The following EPHA6 variants were observed in gnomAD, a reference collection of about 807,000 sequenced individuals.
EPHA6 encodes EPH receptor A6, also known as ephrin type-A receptor 6.
A neutral mutation model predicts 112.0 loss-of-function variants in EPHA6; 50 were observed. That is an observed-to-expected ratio of 0.45 (90% confidence interval 0.36 to 0.56). The LOEUF (loss-of-function observed/expected upper bound fraction) is 0.56. Ranked by LOEUF, EPHA6 falls within the 20% of genes least tolerant of loss-of-function variation. The pLI, the probability that EPHA6 is intolerant of heterozygous loss-of-function variation, is 0.00. For missense variants in EPHA6, 1,280 were observed against 1,417.4 expected (o/e 0.90, Z 1.56); for synonymous variants, 529 against 490.7 (o/e 1.08, Z -1.03).
intron 11 of EPHA6, chr3:97,570,030 A>G (rs2093316530): frequency 1.3e-5 from 2 of 151,978 alleles, no homozygotes; most frequent in Non-Finnish European, 2.9e-5. Context: ...ATCGACTCAC[A>G]CTGTTGCCAG....
At chr3:97,194,730 A>G (rs1014317759) in intron 3 of EPHA6, among the ~76,000 whole-genome samples, 3 of 151,910 alleles carry the variant, frequency 2.0e-5, no homozygotes, top group Admixed American at 6.6e-5. Context: ...TATTTGCTTT[A>G]TTTATCTGGG....
intron 3 of EPHA6, among the ~76,000 whole-genome samples, chr3:97,077,074 T>G (rs937873998): frequency 6.6e-6 from 1 of 152,138 alleles, no homozygotes. Flanking sequence ...ATTTTAACTT[T>G]TAATCTTATC....
intron 11 of EPHA6, among the ~76,000 whole-genome samples, chr3:97,568,849 G>T (rs1418678645): frequency 6.6e-6 from 1 of 152,152 alleles, no homozygotes; most frequent in Non-Finnish European, 1.5e-5. Context: ...ACTCCAACAA[G>T]GACAAGTGGG....
chr3:97,137,723 T>C (rs1461278654), intron 3 of EPHA6, among the ~76,000 whole-genome samples: 1 of 152,176 alleles, frequency 6.6e-6, no homozygotes, highest in Non-Finnish European at 1.5e-5. Context: ...GGTCTAGACA[T>C]TGGTTTTACC....
chr3:97,412,504 A>G (rs184507592), intron 6 of EPHA6, among the ~76,000 whole-genome samples: 8 of 152,082 alleles, frequency 5.3e-5, no homozygotes, highest in Admixed American at 1.3e-4. Flanking sequence ...TTGTTATCCA[A>G]TTCTGAACTT....
At chr3:96,842,002 G>A (rs1180598130) in intron 1 of EPHA6, among the ~76,000 whole-genome samples, 2 of 152,018 alleles carry the variant, frequency 1.3e-5, no homozygotes, top group African/African-American at 2.4e-5. Flanking sequence ...ATTGTATTGA[G>A]TACTCTTATA....
chr3:97,650,938 A>T (rs1477707922), intron 14 of EPHA6, among the ~76,000 whole-genome samples: 1 of 151,814 alleles, frequency 6.6e-6, no homozygotes, highest in Non-Finnish European at 1.5e-5. Flanking sequence ...GAATACTGAG[A>T]AACTCCAACT....
In EPHA6 at chr3:97,756,645, CA is replaced by C. The variant is rs984402824; in HGVS notation, c.*7951del. The stretch of plus-strand genomic sequence containing the variant: ...TGCAAAAATATCATTTTATTCTTAC[CA>C]AAAAAATGTAGCTTTGATAAAATTT... On this transcript the variant is annotated 3_prime_UTR_variant, in exon 18 of 18. Coordinates refer to ENST00000389672, the MANE Select transcript of EPHA6 (RefSeq NM_001080448.3). 6.6e-6 allele frequency among the ~76,000 whole-genome samples: 1 copy of C among 151,214 alleles called. No homozygotes were observed. Among genetic ancestry groups the C allele is most frequent in the African/African-American group, 2.4e-5 (1 of 41,206 alleles).
At chr3:97,692,937 T>C (rs1217325136) in intron 14 of EPHA6, among the ~76,000 whole-genome samples, 1 of 152,214 alleles carries the variant, frequency 6.6e-6, no homozygotes, top group African/African-American at 2.4e-5. Context: ...TGAGCATCTA[T>C]TGAGATATTA....
At chr3:97,466,418 GGAC>G (rs2091057051) in intron 7 of EPHA6, 14 of 1,600,932 alleles carry the variant, frequency 8.7e-6, no homozygotes, top group Non-Finnish European at 1.2e-5. Flanking sequence ...ATATTCCATA[GGAC>G]TCTCCATTTC....
chr3:97,332,979 C>A (rs2082872134), intron 5 of EPHA6, among the ~76,000 whole-genome samples: 1 of 151,590 alleles, frequency 6.6e-6, no homozygotes, highest in Non-Finnish European at 1.5e-5. Flanking sequence ...TTAGAAAATG[C>A]TTGTCTATGT....
chr3:96,876,601 A>G (rs2036969986), intron 2 of EPHA6, among the ~76,000 whole-genome samples: 1 of 151,926 alleles, frequency 6.6e-6, no homozygotes, highest in African/African-American at 2.4e-5. Flanking sequence ...ACCTGTGGCC[A>G]ACAGCTGCCT....
intron 14 of EPHA6, among the ~76,000 whole-genome samples, chr3:97,665,432 G>A (rs1193551866): frequency 6.6e-6 from 1 of 152,086 alleles, no homozygotes; most frequent in Non-Finnish European, 1.5e-5. Flanking sequence ...TGTCAAAATA[G>A]TTTATATTTT....
chr3:97,286,436 T>TAA (rs2108676112), intron 5 of EPHA6, among the ~76,000 whole-genome samples: 1 of 152,328 alleles, frequency 6.6e-6, no homozygotes, highest in East Asian at 1.9e-4. Flanking sequence ...GATAGGGATT[T>TAA]AGTTTCATTT....
rs1331263837 is a variant in EPHA6, at chr3:97,532,383, G to A, written c.2226G>A (p.Gly742=). ...GTGAATTTGGAGAAGTCTGTAGTGG[G>A]CGTTTGAAGACACCAGGGAAAAGAG... ...GAGEFGEVCS[G]RLKTPGKREI... Residue 742 remains glycine, a synonymous_variant, in exon 11 of 18, where the codon GGG becomes GGA. Coordinates refer to ENST00000389672, the MANE Select transcript of EPHA6 (RefSeq NM_001080448.3). 1 of 1,611,628 alleles carries A rather than the reference G, an allele frequency of 6.2e-7. No individual in the cohort carries two copies.
chr3:97,197,609 C>CA (rs1451805776), intron 3 of EPHA6, among the ~76,000 whole-genome samples: 2 of 151,740 alleles, frequency 1.3e-5, no homozygotes, highest in Non-Finnish European at 1.5e-5. Flanking sequence ...AGGAATCTCT[C>CA]AGAATTCTGA....
intron 5 of EPHA6, among the ~76,000 whole-genome samples, chr3:97,324,431 TTC>T (rs1288454155): frequency 6.8e-6 from 1 of 146,138 alleles, no homozygotes; most frequent in Admixed American, 6.9e-5. Context: ...CTTTCTTTCT[TTC>T]TTTCTTTCTT....
intron 2 of EPHA6, among the ~76,000 whole-genome samples, chr3:96,922,236 A>G (rs2107632155): frequency 6.6e-6 from 1 of 152,332 alleles, no homozygotes; most frequent in Non-Finnish European, 1.5e-5. Flanking sequence ...TTCATTACAA[A>G]AAATGCCTCC....
chr3:97,434,126 A>G (rs1399791970), intron 6 of EPHA6, among the ~76,000 whole-genome samples: 1 of 152,178 alleles, frequency 6.6e-6, no homozygotes, highest in Non-Finnish European at 1.5e-5. Context: ...AATCTAACAT[A>G]GGTAATATGT....
Sources: allele counts gnomAD v4.1 joint callset (sites outside exome capture counted in the v4.1 genomes callset), GRCh38; gene constraint gnomAD v4.1.1; transcripts MANE v1.5; gene names NCBI Gene and HGNC (gene_info 2026-07-23, HGNC 2026-07-21).